Variants in CPA6 observed in about 807,000 individuals in gnomAD.
The protein encoded by CPA6 is carboxypeptidase B.
In CPA6, 58 loss-of-function variants were observed where a neutral mutation model predicts 63.3. The ratio of observed to expected loss-of-function variants is 0.92; its 90% CI spans 0.74 to 1.14. The LOEUF is 1.14. Among genes scored for constraint, CPA6 ranks in the 50% most tolerant of loss-of-function variants. CPA6 has a pLI of 0.00. For missense variants in CPA6, 565 were observed against 526.6 expected (o/e 1.07, Z -0.71); for synonymous variants, 185 against 179.0 (o/e 1.03, Z -0.27).
chr8:67,688,664 C>T (rs1816754684), intron 1 of CPA6, among the ~76,000 whole-genome samples: 1 of 152,036 alleles, frequency 6.6e-6, no homozygotes, highest in African/African-American at 2.4e-5. Context: ...TCTTTTCTGC[C>T]CCATTTTTCA....
At chr8:67,720,070 G>A (rs1400488107) in intron 1 of CPA6, among the ~76,000 whole-genome samples, 2 of 152,014 alleles carry the variant, frequency 1.3e-5, no homozygotes, top group South Asian at 2.1e-4. Context: ...GAGAGTCAGC[G>A]AAGGGAGATA....
intron 2 of CPA6, among the ~76,000 whole-genome samples, chr8:67,580,717 C>T (rs1408021136): frequency 6.6e-6 from 1 of 152,096 alleles, no homozygotes; most frequent in Non-Finnish European, 1.5e-5. Flanking sequence ...CCATGCCAGC[C>T]TGGAATATTC....
intron 4 of CPA6, 51 bp from the exon 5 acceptor site, chr8:67,509,669 C>G (rs761204398): frequency 1.1e-6 from 1 of 888,758 alleles, no homozygotes; most frequent in South Asian, 1.7e-5. Context: ...AATAATGGAG[C>G]TTTTAGAGAA....
intron 1 of CPA6, among the ~76,000 whole-genome samples, chr8:67,673,165 T>C (rs937833981): frequency 1.3e-5 from 2 of 152,090 alleles, no homozygotes; most frequent in African/African-American, 2.4e-5. Context: ...TCTAAATTCT[T>C]TGGATCTTGT....
At chr8:67,475,777 CTTT>C (rs1563967235) in intron 8 of CPA6, among the ~76,000 whole-genome samples, 858 of 58,104 alleles carry the variant, frequency 0.015, 11 homozygotes, top group Middle Eastern at 0.055. Context: ...CTCTTTCTTT[CTTT>C]CTTTCTTTCT....
At chr8:67,428,246 A>G (rs1056032616) in intron 9 of CPA6, 115 bp from the exon 10 acceptor site, 4 of 580,804 alleles carry the variant, frequency 6.9e-6, no homozygotes, top group Admixed American at 6.5e-5. Flanking sequence ...GTTAAGATCT[A>G]TATTCATTAA....
intron 1 of CPA6, among the ~76,000 whole-genome samples, chr8:67,632,216 G>T (rs1451056194): frequency 6.6e-6 from 1 of 151,610 alleles, no homozygotes; most frequent in Non-Finnish European, 1.5e-5. Flanking sequence ...TGTCATGCAG[G>T]CTGGAGTGCA....
At chr8:67,502,922 T>C (rs768363249) in intron 6 of CPA6, among the ~76,000 whole-genome samples, 2 of 152,236 alleles carry the variant, frequency 1.3e-5, no homozygotes, top group Non-Finnish European at 2.9e-5. Context: ...ATATGTTCTA[T>C]AGGCACTTGA....
chr8:67,477,311 G>GAAA (rs1203013002), intron 8 of CPA6, among the ~76,000 whole-genome samples: 1 of 121,608 alleles, frequency 8.2e-6, no homozygotes, highest in African/African-American at 3.1e-5. Context: ...AAAAAAAAAG[G>GAAA]AAAAAAAAAA....
intron 2 of CPA6, among the ~76,000 whole-genome samples, chr8:67,594,065 G>T (rs936691976): frequency 2.6e-4 from 39 of 151,938 alleles, no homozygotes; most frequent in African/African-American, 9.2e-4. Context: ...AGGAGCTCTT[G>T]TAGGGCAGGC....
At chr8:67,653,417 T>C (rs1815896625) in intron 1 of CPA6, among the ~76,000 whole-genome samples, 1 of 151,762 alleles carries the variant, frequency 6.6e-6, no homozygotes, top group Non-Finnish European at 1.5e-5. Context: ...TTTTATTTCA[T>C]TGAGCAGTGG....
chr8:67,681,031 A>G (rs940734470), intron 1 of CPA6, among the ~76,000 whole-genome samples: 47 of 151,904 alleles, frequency 3.1e-4, no homozygotes, highest in Non-Finnish European at 5.7e-4. Flanking sequence ...CATCATAAAT[A>G]TATTCTCTTC....
chr8:67,729,202 G>A (rs1421020485), intron 1 of CPA6, among the ~76,000 whole-genome samples: 2 of 152,048 alleles, frequency 1.3e-5, no homozygotes, highest in East Asian at 3.9e-4. Context: ...AGATCCCCTA[G>A]TGTTTTATTT....
At chr8:67,514,542 T>C (rs77249597) in intron 3 of CPA6, among the ~76,000 whole-genome samples, 2,801 of 152,336 alleles carry the variant, frequency 0.018, 91 homozygotes, top group African/African-American at 0.062. Context: ...TCTCATATGT[T>C]ATTATCTTGG....
rs182245601 is a variant in CPA6 at position 67,728,287 on chromosome 8, A to T, written c.116+17727T>A. 1.1e-4 allele frequency among the ~76,000 whole-genome samples: 17 copies of T among 152,184 alleles called. No homozygotes were observed. The East Asian group carries it at 3.3e-3, about 29-fold the overall frequency. ...AAGAGTATATGAACTTCTAAACCTC[A>T]TTGGGGAATTGGGTAATCTTTCTCC... On this transcript the variant is annotated intron_variant, in intron 1 of 10. Coordinates refer to ENST00000297770, the MANE Select transcript of CPA6 (RefSeq NM_020361.5).
intron 9 of CPA6, among the ~76,000 whole-genome samples, chr8:67,432,202 A>G (rs949286257): frequency 2.0e-5 from 3 of 152,208 alleles, no homozygotes; most frequent in African/African-American, 7.2e-5. Context: ...TTTTAGCTCC[A>G]TCCTTCACCC....
At chr8:67,679,717 C>T (rs114576899) in intron 1 of CPA6, among the ~76,000 whole-genome samples, 1 of 152,286 alleles carries the variant, frequency 6.6e-6, no homozygotes, top group African/African-American at 2.4e-5. Context: ...ACACCCTCAC[C>T]AAGTTAAACA....
Position 67,693,400 on chromosome 8 carries a change from A to G in CPA6, c.116+52614T>C, listed in dbSNP as rs146420458. On this transcript the variant is annotated intron_variant, in intron 1 of 10. Coordinates refer to ENST00000297770, the MANE Select transcript of CPA6 (RefSeq NM_020361.5). ...TCGGGTTGACCACGTTGGAGTCAGA[A>G]TTTACTTAGTGAAATGTGGGAGAAG... 9.2e-5 allele frequency among the ~76,000 whole-genome samples: 14 copies of G among 152,352 alleles called. No individual in the cohort carries two copies. The East Asian group carries it at 2.7e-3, about 29-fold the overall frequency.
chr8:67,634,179 AATTATT>A (rs36123716), intron 1 of CPA6, among the ~76,000 whole-genome samples: 7,113 of 139,856 alleles, frequency 0.051, 408 homozygotes, highest in African/African-American at 0.11. Context: ...CACTGGATTT[AATTATT>A]ATTATTATTA....
Sources: gnomAD v4.1 joint callset for allele counts (sites outside exome capture counted in the v4.1 genomes callset) on GRCh38, gnomAD v4.1.1 for gene constraint, MANE v1.5 for transcripts, NCBI Gene and HGNC (gene_info 2026-07-23, HGNC 2026-07-21) for gene names.